ANKH: variants seen among roughly 807,000 people sequenced by gnomAD.
ANKH encodes mineralization regulator ANKH.
Under a neutral mutation model 49.0 loss-of-function variants are expected in ANKH, and 15 were observed. The ratio of observed to expected loss-of-function variants is 0.31; its 90% confidence interval spans 0.20 to 0.47. The LOEUF is 0.47. Among genes scored for constraint, ANKH ranks in the 20% least tolerant of loss-of-function variants. The probability of loss-of-function intolerance (pLI) is 1.00; values close to 1 mark genes in which losing one functional copy is unlikely to be tolerated. For missense variants in ANKH, 429 were observed against 652.0 expected (o/e 0.66, Z 3.72); for synonymous variants, 273 against 260.0 (o/e 1.05, Z -0.48).
At chr5:14,853,883 A>G (rs1303886234) in intron 1 of ANKH, among the ~76,000 whole-genome samples, 1 of 152,160 alleles carries the variant, frequency 6.6e-6, no homozygotes, top group African/African-American at 2.4e-5. Context: ...AACATTTACT[A>G]TACACAAAGA....
At chr5:14,716,633 A>G (rs1249035171) in intron 9 of ANKH, 73 bp downstream of exon 9, 66 of 1,599,762 alleles carry the variant, frequency 4.1e-5, no homozygotes, top group Non-Finnish European at 5.3e-5. Flanking sequence ...CATAATTGCA[A>G]ACATTTCCAA....
rs543206802 is a variant in ANKH at position 14,745,597 on chromosome 5, C to T, written c.915+273G>A. ...TTTGGGGGAAGTTTATTTTCCCTTT[C>T]GCAAACAAATCATTTCTCAATGGGA... On this transcript the variant is annotated intron_variant, in intron 7 of 11. Coordinates refer to ENST00000284268, the MANE Select transcript of ANKH (RefSeq NM_054027.6). This position sits in a 1 kb window ranked among gnomAD's most constrained non-coding sequence, Gnocchi z 4.7. 6.6e-5 allele frequency among the ~76,000 whole-genome samples: 10 copies of T among 152,312 alleles called. No homozygotes were observed. The highest frequency in any genetic ancestry group is 4.1e-4 in the South Asian group (2 of 4,826).
At chr5:14,765,971 G>A (rs1739246403) in intron 2 of ANKH, among the ~76,000 whole-genome samples, 1 of 152,116 alleles carries the variant, frequency 6.6e-6, no homozygotes, top group African/African-American at 2.4e-5. Context: ...TCCAGACTGG[G>A]GGAAAAAAGT....
chr5:14,729,738 G>C (rs1189915752), intron 8 of ANKH, among the ~76,000 whole-genome samples: 1 of 152,108 alleles, frequency 6.6e-6, no homozygotes, highest in African/African-American at 2.4e-5. Flanking sequence ...GGGAGAAAAG[G>C]GGTGGAGCCA....
chr5:14,854,875 C>T (rs1334358705), intron 1 of ANKH, among the ~76,000 whole-genome samples: 1 of 152,148 alleles, frequency 6.6e-6, no homozygotes, highest in Admixed American at 6.6e-5. Flanking sequence ...CTTAACTGGT[C>T]TCTGTGCCTT....
chr5:14,745,856 G>A lies in ANKH; in HGVS notation c.915+14C>T, dbSNP rs140045509. The A allele has an allele frequency of 8.0e-4, 1,283 of 1,612,798 alleles. 3 individuals are homozygous for A. Among genetic ancestry groups the A allele is most frequent in the Non-Finnish European group, 1.0e-3 (1,234 of 1,178,820 alleles). Reference sequence around the variant, plus strand: ...AAAAGCATGTTTCAGACACGACACCGCACGGGTTCTCACCTTGTCGAAAGC... The same window carrying A: ...AAAAGCATGTTTCAGACACGACACCACACGGGTTCTCACCTTGTCGAAAGC... On this transcript the variant is annotated intron_variant, in intron 7 of 11. Coordinates refer to ENST00000284268, the MANE Select transcript of ANKH (RefSeq NM_054027.6). The surrounding 1 kb of genome is among the most constrained non-coding windows in gnomAD (Gnocchi z 4.7).
chr5:14,720,200 A>G (rs1157275581), intron 8 of ANKH, among the ~76,000 whole-genome samples: 1 of 152,218 alleles, frequency 6.6e-6, no homozygotes, highest in Non-Finnish European at 1.5e-5. Flanking sequence ...GCATCTGGCA[A>G]AGTATATTCC....
intron 1 of ANKH, among the ~76,000 whole-genome samples, chr5:14,824,507 G>T (rs1475864977): frequency 3.9e-5 from 6 of 152,068 alleles, no homozygotes; most frequent in African/African-American, 1.4e-4. Context: ...GAATCAAAGG[G>T]TACCCTCAAT....
intron 1 of ANKH, among the ~76,000 whole-genome samples, chr5:14,865,868 A>G (rs1286950383): frequency 6.6e-6 from 1 of 152,190 alleles, no homozygotes; most frequent in East Asian, 1.9e-4. Flanking sequence ...GGTTTCCTAA[A>G]TAGAAAGGGC....
intron 1 of ANKH, among the ~76,000 whole-genome samples, chr5:14,769,705 C>T (rs1056436439): frequency 2.0e-5 from 3 of 151,834 alleles, no homozygotes; most frequent in African/African-American, 7.3e-5. Context: ...CATAGCAGAG[C>T]TCTATGCTAT....
chr5:14,865,026 C>T (rs978834282), intron 1 of ANKH, among the ~76,000 whole-genome samples: 5 of 152,068 alleles, frequency 3.3e-5, no homozygotes, highest in African/African-American at 9.7e-5. Context: ...TTTGGGAGGC[C>T]GAGGCAGGGG....
chr5:14,784,322 C>G (rs1561053750), intron 1 of ANKH, among the ~76,000 whole-genome samples: 1 of 152,138 alleles, frequency 6.6e-6, no homozygotes, highest in Admixed American at 6.5e-5. Context: ...ATATACGGTG[C>G]TACCAAATAG....
intron 1 of ANKH, among the ~76,000 whole-genome samples, chr5:14,788,834 G>C (rs944264091): frequency 3.3e-5 from 5 of 152,120 alleles, no homozygotes; most frequent in Admixed American, 6.6e-5. Flanking sequence ...TTAGAATGAA[G>C]GTATGTGGAA....
In ANKH at chr5:14,862,326, C is replaced by T. The variant is rs1281475875; in HGVS notation, c.96+9026G>A. Among the ~76,000 whole-genome samples, 14 of 152,212 alleles carry T rather than the reference C, an allele frequency of 9.2e-5. No homozygotes were observed. The East Asian group carries it at 2.7e-3, about 29-fold the overall frequency. ...TCTGATGAATAAACCTTCTAGTTGA[C>T]TGAAATCCCTCCTAAATGTTTTCAT... On this transcript the variant is annotated intron_variant, in intron 1 of 11. Transcript: ENST00000284268.
At chr5:14,772,624 C>A (rs1042738887) in intron 1 of ANKH, among the ~76,000 whole-genome samples, 5 of 152,226 alleles carry the variant, frequency 3.3e-5, no homozygotes, top group Non-Finnish European at 7.3e-5. Context: ...TCCTTTATAA[C>A]AAGTGCCTGT....
At chr5:14,733,385 G>A (rs1379121828) in intron 8 of ANKH, among the ~76,000 whole-genome samples, 1 of 152,178 alleles carries the variant, frequency 6.6e-6, no homozygotes, top group East Asian at 1.9e-4. Flanking sequence ...AGAAAATGAA[G>A]ACCCTTTTGA....
chr5:14,797,977 T>A, intron 1 of ANKH: 1 of 1,563,198 alleles, frequency 6.4e-7, no homozygotes, highest in Non-Finnish European at 8.8e-7. Flanking sequence ...GGAGTCTTTG[T>A]TGTGATGATA....
intron 1 of ANKH, among the ~76,000 whole-genome samples, chr5:14,831,517 C>A (rs867769769): frequency 6.6e-6 from 1 of 152,232 alleles, no homozygotes; most frequent in South Asian, 2.1e-4. Context: ...TTCCATGATC[C>A]CCCTGGGGGA....
At position 14,706,511 on chromosome 5, in the gene ANKH, A is replaced by T. The variant is rs1401137175; in HGVS notation, c.*4686T>A. Reference sequence around the variant, plus strand: ...GAGAAGAAAATAAAGTCTAAACTTAAGGTCTTATCATCTCGTTTTTCCCTT... The same window carrying T: ...GAGAAGAAAATAAAGTCTAAACTTATGGTCTTATCATCTCGTTTTTCCCTT... On this transcript the variant is annotated 3_prime_UTR_variant, in exon 12 of 12. Coordinates refer to ENST00000284268, the MANE Select transcript of ANKH (RefSeq NM_054027.6). The T allele has an allele frequency of 6.6e-6, 1 of 152,228 alleles. No individual in the cohort carries two copies. Among genetic ancestry groups the T allele is most frequent in the East Asian group, 1.9e-4 (1 of 5,194 alleles). The allele number at this position is 152,228 out of a possible 1,614,324, so 9.4% of individuals were successfully genotyped here.
Sources: allele counts gnomAD v4.1 joint callset (sites outside exome capture counted in the v4.1 genomes callset), GRCh38; gene constraint gnomAD v4.1.1; non-coding constraint Gnocchi (gnomAD v3.1); transcripts MANE v1.5; gene names NCBI Gene and HGNC (gene_info 2026-07-23, HGNC 2026-07-21).